The following SLC9B1 variants were observed in gnomAD, a reference collection of about 807,000 sequenced individuals.
SLC9B1 encodes sodium/hydrogen exchanger 9B1.
SLC9B1 carries 32 observed loss-of-function variants against 51.7 expected under a neutral mutation model. That is an observed-to-expected ratio of 0.62 (90% confidence interval 0.47 to 0.83). The LOEUF is 0.83. Ranked by LOEUF, SLC9B1 falls within the 40% of genes least tolerant of loss-of-function variation. The probability of loss-of-function intolerance (pLI) is 0.00; values close to 1 mark genes in which losing one functional copy is unlikely to be tolerated. For missense variants in SLC9B1, 406 were observed against 613.2 expected (o/e 0.66, Z 3.57); for synonymous variants, 145 against 212.7 (o/e 0.68, Z 2.77).
chr4:103,001,458 C>T (rs1331794067), intron 1 of SLC9B1, among the ~76,000 whole-genome samples: 1 of 152,228 alleles, frequency 6.6e-6, no homozygotes, highest in South Asian at 2.1e-4. Flanking sequence ...ATTTCTCCTG[C>T]CAGATACCCT....
chr4:102,977,951 C>G (rs1475147707), intron 3 of SLC9B1, among the ~76,000 whole-genome samples: 1 of 152,070 alleles, frequency 6.6e-6, no homozygotes, highest in Non-Finnish European at 1.5e-5. Flanking sequence ...AATGCTATCC[C>G]TCCCCACTAC....
intron 7 of SLC9B1, among the ~76,000 whole-genome samples, chr4:102,915,114 A>T (rs1037015004): frequency 1.3e-5 from 2 of 152,120 alleles, no homozygotes; most frequent in Non-Finnish European, 2.9e-5. Context: ...AAAAAAAAAA[A>T]ACTGTCAACC....
Position 102,968,727 on chromosome 4 carries a change from A to T in SLC9B1, c.212-19300T>A, listed in dbSNP as rs377281483. 5.3e-5 allele frequency among the ~76,000 whole-genome samples: 8 copies of T among 152,362 alleles called. No individual in the cohort carries two copies. The East Asian group carries it at 1.2e-3, about 22-fold the overall frequency. ...AGGGTGAGCTGAAGCAGGGCAGGGC[A>T]TCGCCTCATCCGGGAAGCAGCACAA... On this transcript the variant is annotated intron_variant, in intron 3 of 11. Coordinates refer to ENST00000296422, the MANE Select transcript of SLC9B1 (RefSeq NM_139173.4).
chr4:102,984,271 A>C (rs1330837079), intron 3 of SLC9B1, among the ~76,000 whole-genome samples: 2 of 152,012 alleles, frequency 1.3e-5, no homozygotes, highest in Non-Finnish European at 2.9e-5. Flanking sequence ...ATGCGTCACC[A>C]CACTCAGCTA....
intron 6 of SLC9B1, among the ~76,000 whole-genome samples, chr4:102,938,810 A>G (rs1189576265): frequency 6.6e-6 from 1 of 152,186 alleles, no homozygotes; most frequent in Non-Finnish European, 1.5e-5. Flanking sequence ...GCAGAAACCA[A>G]TAAATTCTTT....
intron 1 of SLC9B1, among the ~76,000 whole-genome samples, chr4:103,010,088 G>A (rs948583203): frequency 1.1e-4 from 16 of 152,034 alleles, no homozygotes; most frequent in African/African-American, 2.7e-4. Context: ...AACCGTTTTC[G>A]GGTGCCTAGA....
At chr4:103,008,770 T>C (rs1318478587) in intron 1 of SLC9B1, among the ~76,000 whole-genome samples, 1 of 151,156 alleles carries the variant, frequency 6.6e-6, no homozygotes, top group Non-Finnish European at 1.5e-5. Flanking sequence ...GTGAGGATCT[T>C]AGATGATCTA....
At chr4:102,926,897 C>T (rs1162938975) in intron 7 of SLC9B1, among the ~76,000 whole-genome samples, 1 of 152,302 alleles carries the variant, frequency 6.6e-6, no homozygotes, top group African/African-American at 2.4e-5. Flanking sequence ...GGTACCAAAA[C>T]AGATATATAG....
intron 7 of SLC9B1, among the ~76,000 whole-genome samples, chr4:102,914,415 T>C (rs1735487524): frequency 6.6e-6 from 1 of 152,054 alleles, no homozygotes; most frequent in African/African-American, 2.4e-5. Flanking sequence ...GCAGACTGGT[T>C]CCAGGCAAGA....
intron 7 of SLC9B1, 119 bp from the exon 8 acceptor site, chr4:102,911,656 A>G: frequency 1.6e-6 from 1 of 608,614 alleles, no homozygotes; most frequent in Non-Finnish European, 2.9e-6. Context: ...GAACAAATAT[A>G]TGCAAATGGT....
At chr4:102,906,416 A>G in intron 10 of SLC9B1, 120 bp downstream of exon 10, 1 of 549,352 alleles carries the variant, frequency 1.8e-6, no homozygotes, top group South Asian at 2.4e-5. Flanking sequence ...CACTGTATCA[A>G]CATGTGTTTC....
downstream of SLC9B1, among the ~76,000 whole-genome samples, chr4:102,896,541 T>TA (rs1213873773): frequency 4.6e-5 from 7 of 151,992 alleles, no homozygotes; most frequent in Admixed American, 4.6e-4. Context: ...ATTGAAAAAA[T>TA]AAACACTGCA....
chr4:102,941,505 G>A (rs1259021600), intron 6 of SLC9B1: 7 of 454,816 alleles, frequency 1.5e-5, no homozygotes, highest in Non-Finnish European at 2.6e-5. Flanking sequence ...AGATGCTGGC[G>A]AGCTTGGGGA....
At chr4:102,955,847 A>AAGAAAGAC (rs1169914975) in intron 3 of SLC9B1, among the ~76,000 whole-genome samples, 8 of 74,780 alleles carry the variant, frequency 1.1e-4, no homozygotes, top group African/African-American at 6.0e-4. Flanking sequence ...GAGAGAGAGA[A>AAGAAAGAC]AGAAAGAAAG....
intron 3 of SLC9B1, among the ~76,000 whole-genome samples, chr4:102,955,904 AG>A: frequency 3.0e-5 from 2 of 67,266 alleles, no homozygotes; most frequent in Non-Finnish European, 5.7e-5. Flanking sequence ...AAAGAAAGAG[AG>A]AGAAAGACCC....
At chr4:103,001,401 G>A (rs1379461273) in intron 1 of SLC9B1, among the ~76,000 whole-genome samples, 1 of 152,186 alleles carries the variant, frequency 6.6e-6, no homozygotes, top group African/African-American at 2.4e-5. Context: ...CACAAAATTT[G>A]CAAACTCTTA....
At chr4:102,911,039 A>T (rs1735313170) in intron 8 of SLC9B1, among the ~76,000 whole-genome samples, 1 of 152,204 alleles carries the variant, frequency 6.6e-6, no homozygotes, top group African/African-American at 2.4e-5. Context: ...GCCTTTGTCA[A>T]AGGAGAGCAG....
At chr4:102,971,743 A>G (rs1738772317) in intron 3 of SLC9B1, among the ~76,000 whole-genome samples, 1 of 152,222 alleles carries the variant, frequency 6.6e-6, no homozygotes, top group African/African-American at 2.4e-5. Flanking sequence ...GACCACTAGC[A>G]AAACTAATAA....
At chr4:102,955,355 C>T (rs1560949731) in intron 3 of SLC9B1, among the ~76,000 whole-genome samples, 1 of 152,156 alleles carries the variant, frequency 6.6e-6, no homozygotes, top group Non-Finnish European at 1.5e-5. Flanking sequence ...CCAATTAAAC[C>T]TCTTTTTCTT....
Sources: gnomAD v4.1 joint callset for allele counts (sites outside exome capture counted in the v4.1 genomes callset) on GRCh38, gnomAD v4.1.1 for gene constraint, MANE v1.5 for transcripts, NCBI Gene and HGNC (gene_info 2026-07-23, HGNC 2026-07-21) for gene names.